The following SNTG1 variants were observed in gnomAD, a reference collection of about 807,000 sequenced individuals.
SNTG1 encodes syntrophin gamma 1.
A neutral mutation model predicts 74.7 loss-of-function variants in SNTG1; 39 were observed. The ratio of observed to expected loss-of-function variants is 0.52; its 90% confidence interval spans 0.40 to 0.68. The LOEUF (loss-of-function observed/expected upper bound fraction) is 0.68, where lower values mean the gene tolerates loss of function less well. Ranked by LOEUF, SNTG1 falls within the 30% of genes least tolerant of loss-of-function variation. SNTG1 has a pLI of 0.00. For synonymous variants in SNTG1, 254 were observed against 217.1 expected (o/e 1.17, Z -1.49); for missense variants, 685 against 609.5 (o/e 1.12, Z -1.30).
At chr8:50,630,524 T>C (rs1162979307) in intron 13 of SNTG1, among the ~76,000 whole-genome samples, 1 of 151,958 alleles carries the variant, frequency 6.6e-6, no homozygotes, top group Non-Finnish European at 1.5e-5. Flanking sequence ...ATCTATAAGA[T>C]GAGTTGTTTT....
chr8:50,312,552 G>A (rs925547110), intron 2 of SNTG1, among the ~76,000 whole-genome samples: 1 of 149,890 alleles, frequency 6.7e-6, no homozygotes, highest in African/African-American at 2.5e-5. Context: ...GAAAGAGATT[G>A]TGGAAAAAGT....
At chr8:50,055,030 C>A (rs932674164) in intron 1 of SNTG1, among the ~76,000 whole-genome samples, 2 of 151,978 alleles carry the variant, frequency 1.3e-5, no homozygotes, top group African/African-American at 4.8e-5. Flanking sequence ...GCTGAACCAC[C>A]CTGCCCTTTC....
At chr8:50,478,192 C>G (rs1240323404) in intron 8 of SNTG1, among the ~76,000 whole-genome samples, 1 of 152,152 alleles carries the variant, frequency 6.6e-6, no homozygotes, top group African/African-American at 2.4e-5. Context: ...CTTGGTTTAC[C>G]TATGTTTGTA....
chr8:50,521,768 A>C (rs1031076623), intron 9 of SNTG1, among the ~76,000 whole-genome samples: 1 of 152,190 alleles, frequency 6.6e-6, no homozygotes, highest in Non-Finnish European at 1.5e-5. Flanking sequence ...TGTTCATAGC[A>C]TCTTCACCAA....
intron 1 of SNTG1, among the ~76,000 whole-genome samples, chr8:49,958,230 C>A (rs903226060): frequency 6.6e-5 from 10 of 152,090 alleles, no homozygotes; most frequent in African/African-American, 2.4e-4. Flanking sequence ...ACTTTAGGTT[C>A]ACTGTAGGGC....
At chr8:50,064,066 G>A (rs896054665) in intron 1 of SNTG1, among the ~76,000 whole-genome samples, 5 of 152,140 alleles carry the variant, frequency 3.3e-5, no homozygotes, top group African/African-American at 7.2e-5. Context: ...GGTGACAATC[G>A]TGGTACCAGC....
At chr8:50,739,096 C>A (rs1008932968) in intron 17 of SNTG1, among the ~76,000 whole-genome samples, 10 of 151,880 alleles carry the variant, frequency 6.6e-5, no homozygotes, top group African/African-American at 9.7e-5. Context: ...TTCTGCACAG[C>A]GAAAGAGACT....
In SNTG1 at chr8:50,630,669, T is replaced by G. The variant is rs1008460001; in HGVS notation, c.850-26240T>G. ...CAAAGTAATCTCAATGTCAGTCACCTGCACCTAGACCTGCAGGTAATGTGA... is the reference window on the plus strand; with the variant it reads ...CAAAGTAATCTCAATGTCAGTCACCGGCACCTAGACCTGCAGGTAATGTGA... On this transcript the variant is annotated intron_variant, in intron 13 of 18. Transcript: ENST00000642720. Among the ~76,000 whole-genome samples the G allele has an allele frequency of 9.2e-5, 14 of 152,232 alleles. 1 individual carries two copies. Among genetic ancestry groups the G allele is most frequent in the African/African-American group, 3.4e-4 (14 of 41,466 alleles).
intron 1 of SNTG1, among the ~76,000 whole-genome samples, chr8:50,006,259 C>G (rs1038267948): frequency 6.6e-6 from 1 of 152,146 alleles, no homozygotes; most frequent in Non-Finnish European, 1.5e-5. Flanking sequence ...CCGTGCCCGG[C>G]CTAGTAGCAC....
intron 1 of SNTG1, among the ~76,000 whole-genome samples, chr8:50,168,721 C>T (rs530787131): frequency 6.6e-5 from 10 of 152,142 alleles, no homozygotes; most frequent in Non-Finnish European, 1.0e-4. Context: ...AGAGATAATA[C>T]GAGTTGGAGT....
intron 2 of SNTG1, among the ~76,000 whole-genome samples, chr8:50,257,298 C>A (rs570436657): frequency 1.3e-5 from 2 of 152,160 alleles, no homozygotes; most frequent in East Asian, 3.9e-4. Context: ...AGTTTTCTTG[C>A]CAGGAGGAGA....
intron 2 of SNTG1, among the ~76,000 whole-genome samples, chr8:50,306,779 A>T (rs1359670508): frequency 6.6e-6 from 1 of 151,792 alleles, no homozygotes; most frequent in African/African-American, 2.4e-5. Context: ...TAGATTTCAG[A>T]TACTAGTCCT....
At chr8:50,379,807 C>T (rs919906927) in intron 2 of SNTG1, among the ~76,000 whole-genome samples, 2 of 152,278 alleles carry the variant, frequency 1.3e-5, no homozygotes, top group African/African-American at 4.8e-5. Context: ...CATCCCTGTT[C>T]TCCAGCATGT....
intron 9 of SNTG1, among the ~76,000 whole-genome samples, chr8:50,527,575 T>C (rs1043449900): frequency 2.0e-5 from 3 of 152,068 alleles, no homozygotes; most frequent in Non-Finnish European, 2.9e-5. Flanking sequence ...TTTGAGATAC[T>C]TTGTTATTTC....
chr8:50,221,748 A>T (rs1168786279), intron 2 of SNTG1, among the ~76,000 whole-genome samples: 1 of 152,186 alleles, frequency 6.6e-6, no homozygotes, highest in Non-Finnish European at 1.5e-5. Context: ...TACAATGTAT[A>T]GTGGGCATAT....
chr8:50,461,101 T>C (rs973216159), intron 8 of SNTG1, among the ~76,000 whole-genome samples: 9 of 151,696 alleles, frequency 5.9e-5, no homozygotes, highest in Middle Eastern at 3.4e-3. Context: ...TTTGAAAGTT[T>C]TAAGTAGTAC....
chr8:50,490,317 G>T (rs1053215676), intron 8 of SNTG1, among the ~76,000 whole-genome samples: 10 of 152,146 alleles, frequency 6.6e-5, no homozygotes, highest in Non-Finnish European at 5.9e-5. Context: ...GAAAGTCAAT[G>T]GTAGCTTGAT....
chr8:50,421,051 G>A lies in SNTG1; in HGVS notation c.163-17492G>A, dbSNP rs1390375012. On this transcript the variant is annotated intron_variant, in intron 4 of 18. Coordinates refer to ENST00000642720, the MANE Select transcript of SNTG1 (RefSeq NM_018967.5). ...AAAAAAAAAAAGGCGGTGGGCGGGG[G>A]AGGGGGGGGCGAAGATAAAGGGACA... 3.0e-4 allele frequency among the ~76,000 whole-genome samples: 7 copies of A among 23,170 alleles called. 1 individual carries two copies. The highest frequency in any genetic ancestry group is 1.5e-3 in the South Asian group (1 of 652). The allele number at this position is 23,170 out of a possible 152,430, so 15.2% of individuals were successfully genotyped here.
At chr8:49,938,602 C>CTTTTCTTTTCTTTTTTTTCTTTTCT (rs1808346560) in intron 1 of SNTG1, among the ~76,000 whole-genome samples, 3 of 8,114 alleles carry the variant, frequency 3.7e-4, no homozygotes, top group African/African-American at 7.4e-4. Context: ...CTTTTCTTTT[C>CTTTTCTTTTCTTTTTTTTCTTTTCT]TTTTCTTTCT....
Sources: gnomAD v4.1 joint callset for allele counts (sites outside exome capture counted in the v4.1 genomes callset) on GRCh38, gnomAD v4.1.1 for gene constraint, MANE v1.5 for transcripts, NCBI Gene and HGNC (gene_info 2026-07-23, HGNC 2026-07-21) for gene names.